UBFD1: variants seen among roughly 807,000 people sequenced by gnomAD.
The protein encoded by UBFD1 is ubiquitin domain-containing protein UBFD1.
In UBFD1, 12 loss-of-function variants were observed where a neutral mutation model predicts 35.1. The observed-to-expected ratio is 0.34, with a 90% CI of 0.22 to 0.55. The LOEUF (loss-of-function observed/expected upper bound fraction) is 0.55. Ranked by LOEUF, UBFD1 falls within the 20% of genes least tolerant of loss-of-function variation. UBFD1 has a pLI of 0.89. For synonymous variants in UBFD1, 178 were observed against 167.6 expected, an observed-to-expected ratio of 1.06 and a Z score of -0.48; for missense variants, 337 against 410.8, an observed-to-expected ratio of 0.82 and a Z score of 1.55.
In UBFD1 at chr16:23,571,216, C is replaced by T. The variant is rs975523681; in HGVS notation, c.*626C>T. 1 of 152,800 alleles carries T rather than the reference C, an allele frequency of 6.5e-6. No individual in the cohort carries two copies. 9.5% of individuals were successfully genotyped at this position (152,800 alleles called of 1,614,324 possible). A position where few individuals can be genotyped will look rare whatever the true frequency, so the allele number is the denominator to read the frequency against. ...TTCTTCTTTTGGTACCTCATCAACG[C>T]TTCCTTTCCTGGGCTCCCTCCCGCC... On this transcript the variant is annotated 3_prime_UTR_variant, in exon 7 of 7. Coordinates refer to ENST00000395878, the MANE Select transcript of UBFD1 (RefSeq NM_019116.3).
intron 5 of UBFD1, 48 bp downstream of exon 5, chr16:23,562,778 C>T (rs779291446): frequency 1.1e-5 from 17 of 1,488,002 alleles, no homozygotes; most frequent in Non-Finnish European, 1.6e-5. Context: ...GCCTCTGGCA[C>T]CCAGCAGCAC....
At chr16:23,557,903 C>T in intron 1 of UBFD1, 47 bp from the exon 2 acceptor site, 2 of 1,281,964 alleles carry the variant, frequency 1.6e-6, no homozygotes, top group South Asian at 3.4e-5. Context: ...AGCGTCCGTT[C>T]CCAAGCCCAG....
chr16:23,566,688 T>C (rs990306392), intron 5 of UBFD1: 4 of 260,056 alleles, frequency 1.5e-5, no homozygotes, highest in Non-Finnish European at 3.0e-5. Context: ...GGATATTTAT[T>C]AACCATCAGA....
chr16:23,557,784 T>TGGCGGGCGCCGGGCC lies in UBFD1; in HGVS notation c.25+20_25+34dup. ...CCCCGGATGGTGAGTGCGGCGGGGG[T>TGGCGGGCGCCGGGCC]GGCGGGCGCCGGGCCGGGGCTGAGG... On this transcript the variant is annotated intron_variant, in intron 1 of 6. Transcript: ENST00000395878. 7.9e-7 allele frequency: 1 copy of TGGCGGGCGCCGGGCC among 1,263,650 alleles called. No individual in the cohort carries two copies. Among genetic ancestry groups the TGGCGGGCGCCGGGCC allele is most frequent in the Non-Finnish European group, 9.9e-7 (1 of 1,006,482 alleles). 78.3% of individuals were successfully genotyped at this position (1,263,650 alleles called of 1,614,324 possible).
In UBFD1 at chr16:23,557,945, T is replaced by G. The variant is rs1965842881; in HGVS notation, c.26-5T>G. 7.4e-7 allele frequency: 1 copy of G among 1,344,236 alleles called. No individual in the cohort carries two copies. The highest frequency in any genetic ancestry group is 1.5e-5 in the African/African-American group (1 of 65,966). 83.3% of individuals were successfully genotyped at this position (1,344,236 alleles called of 1,614,324 possible). On this transcript the variant is annotated splice_region_variant and splice_polypyrimidine_tract_variant and intron_variant, in intron 1 of 6. Coordinates refer to ENST00000395878, the MANE Select transcript of UBFD1 (RefSeq NM_019116.3). ...GCGAGCGCCCACCCCCTAACCCCCT[T>G]GCAGGCATGGAGGAACCTGGCATGG...
At chr16:23,566,737 C>T (rs1966016796) in intron 5 of UBFD1, 1 of 393,998 alleles carries the variant, frequency 2.5e-6, no homozygotes. Flanking sequence ...CAATTCTGCC[C>T]TCAGAGACCT....
chr16:23,562,561 C>T (rs1803490460), intron 4 of UBFD1, 64 bp from the exon 5 acceptor site: 1 of 1,500,436 alleles, frequency 6.7e-7, no homozygotes, highest in Non-Finnish European at 9.2e-7. Flanking sequence ...AGCCACCGCG[C>T]TTGGCCCCCT....
At chr16:23,569,741 G>A (rs901444837) in intron 6 of UBFD1, 1 of 152,160 alleles carries the variant, frequency 6.6e-6, no homozygotes, top group Non-Finnish European at 1.5e-5. Flanking sequence ...CCATCGTCAT[G>A]TGTCACGTGC....
Position 23,562,244 on chromosome 16 carries a change from T to C in UBFD1, c.603T>C (p.Asp201=). ...TGTTGGATAAAGGAAAACCTGAAGATGTGATGCCATCTGTTAAGGGGGCCC... is the reference window on the plus strand; with the variant it reads ...TGTTGGATAAAGGAAAACCTGAAGACGTGATGCCATCTGTTAAGGGGGCCC... ...RKVLDKGKPE[D]VMPSVKGAQE... is the part of the protein sequence containing the mutation. Residue 201 remains aspartate (D), a synonymous_variant, in exon 4 of 7, where the codon GAT becomes GAC. Coordinates refer to ENST00000395878, the MANE Select transcript of UBFD1 (RefSeq NM_019116.3). 6.2e-7 allele frequency: 1 copy of C among 1,614,114 alleles called. No individual in the cohort carries two copies. The highest frequency in any genetic ancestry group is 1.6e-4 in the Middle Eastern group (1 of 6,062).
At chr16:23,565,902 C>T (rs1966003629) in intron 5 of UBFD1, 1 of 139,226 alleles carries the variant, frequency 7.2e-6, no homozygotes, top group African/African-American at 2.6e-5. Context: ...CCAGGATGGC[C>T]ATGTCCCCTT....
Position 23,557,767 on chromosome 16 carries a change from G to A in UBFD1, c.25G>A (p.Gly9Ser). The change falls in exon 1 of 7, where the codon GGC becomes AGC. Residue 9 changes from glycine to serine, a missense_variant and splice_region_variant. Transcript: ENST00000395878. MAAAGAPD[G>S]MEEPGMDTEA... The stretch of plus-strand genomic sequence containing the variant: ...CATGGCGGCGGCCGGGGCCCCGGAT[G>A]GTGAGTGCGGCGGGGGTGGCGGGCG... 9.3e-6 allele frequency: 12 copies of A among 1,295,428 alleles called. No homozygotes were observed. The highest frequency in any genetic ancestry group is 1.2e-5 in the Non-Finnish European group (12 of 1,021,478). 80.2% of individuals were successfully genotyped at this position (1,295,428 alleles called of 1,614,324 possible).
intron 3 of UBFD1, 77 bp from the exon 4 acceptor site, chr16:23,562,129 A>G: frequency 5.9e-6 from 8 of 1,366,134 alleles, no homozygotes; most frequent in Non-Finnish European, 8.2e-6. Context: ...GGCTTTCTTC[A>G]TCCTCTCTTT....
chr16:23,564,260 A>G (rs1237911431), intron 5 of UBFD1, among the ~76,000 whole-genome samples: 2 of 152,208 alleles, frequency 1.3e-5, no homozygotes, highest in African/African-American at 4.8e-5. Context: ...GTTTTTAATC[A>G]TCTAAAACAC....
At chr16:23,568,291 C>G (rs1472518246) in intron 6 of UBFD1, among the ~76,000 whole-genome samples, 2 of 151,364 alleles carry the variant, frequency 1.3e-5, no homozygotes, top group Non-Finnish European at 2.9e-5. Context: ...TCCTGAGTAG[C>G]AGGGATTACA....
chr16:23,566,789 C>T (rs530678600), intron 5 of UBFD1, 198 bp from the exon 6 acceptor site: 52 of 532,286 alleles, frequency 9.8e-5, no homozygotes, highest in Middle Eastern at 9.4e-4. Context: ...CTTGCTCCTA[C>T]GGAGTTCCCA....
chr16:23,560,518 A>G (rs1311278564), intron 3 of UBFD1, among the ~76,000 whole-genome samples: 2 of 152,180 alleles, frequency 1.3e-5, no homozygotes, highest in African/African-American at 4.8e-5. Context: ...AAGATATATG[A>G]CCAACAGTAA....
At chr16:23,567,250 C>T (rs1014836411) in intron 6 of UBFD1, among the ~76,000 whole-genome samples, 181 bp downstream of exon 6, 3 of 152,140 alleles carry the variant, frequency 2.0e-5, no homozygotes, top group Non-Finnish European at 2.9e-5. Context: ...ATTCCTAGTT[C>T]TGTTTATTTT....
At chr16:23,570,085 C>T (rs1276465558) in intron 6 of UBFD1, among the ~76,000 whole-genome samples, 1 of 152,172 alleles carries the variant, frequency 6.6e-6, no homozygotes, top group African/African-American at 2.4e-5. Context: ...GCATGTGTGA[C>T]AGGTTTTCTA....
chr16:23,566,955 T>C, intron 5 of UBFD1, 32 bp from the exon 6 acceptor site: 3 of 1,609,200 alleles, frequency 1.9e-6, no homozygotes, highest in Non-Finnish European at 8.5e-7. Context: ...GGAGGGCCCT[T>C]TGAATAATCA....
Sources: allele counts gnomAD v4.1 joint callset (sites outside exome capture counted in the v4.1 genomes callset), GRCh38; gene constraint gnomAD v4.1.1; transcripts MANE v1.5; gene names NCBI Gene and HGNC (gene_info 2026-07-23, HGNC 2026-07-21).